Variants in SPATA7 observed in about 807,000 individuals in gnomAD.
SPATA7 encodes the protein spermatogenesis-associated protein 7.
Under a neutral mutation model 51.8 loss-of-function variants are expected in SPATA7, and 43 were observed. That is an observed-to-expected ratio of 0.83 (90% confidence interval 0.65 to 1.07). The LOEUF is 1.07. Among genes scored for constraint, SPATA7 ranks in the 50% least tolerant of loss-of-function variants. The probability of loss-of-function intolerance (pLI) is 0.00; values close to 1 mark genes in which losing one functional copy is unlikely to be tolerated. For missense variants in SPATA7, 683 were observed against 701.3 expected (o/e 0.97, Z 0.30); for synonymous variants, 230 against 252.8 (o/e 0.91, Z 0.86).
chr14:88,396,221 A>T lies in SPATA7; in HGVS notation c.238+18A>T, dbSNP rs745808329. 2.5e-6 allele frequency: 4 copies of T among 1,592,330 alleles called. No individual in the cohort carries two copies. The highest frequency in any genetic ancestry group is 3.4e-6 in the Non-Finnish European group (4 of 1,162,518). Reference sequence around the variant, plus strand: ...CATAAAGTGTAAGTAATTTTTGGACATTATTACCTTTTTAAAAAAAAATTA... The same window carrying T: ...CATAAAGTGTAAGTAATTTTTGGACTTTATTACCTTTTTAAAAAAAAATTA... On this transcript the variant is annotated intron_variant, in intron 4 of 11. Transcript: ENST00000393545.
downstream of SPATA7, among the ~76,000 whole-genome samples, chr14:88,440,368 C>A (rs1306859726): frequency 6.6e-6 from 1 of 152,132 alleles, no homozygotes; most frequent in African/African-American, 2.4e-5. Context: ...CCTATTAGGA[C>A]AATTTGTTGT....
downstream of SPATA7, among the ~76,000 whole-genome samples, chr14:88,457,157 A>G (rs1242094744): frequency 6.6e-6 from 1 of 152,096 alleles, no homozygotes; most frequent in Non-Finnish European, 1.5e-5. Flanking sequence ...GTCAGGTAAC[A>G]TGATGCCTCC....
intron 3 of SPATA7, among the ~76,000 whole-genome samples, chr14:88,395,377 CAAAA>C (rs1163983156): frequency 1.3e-5 from 2 of 151,738 alleles, no homozygotes; most frequent in Non-Finnish European, 2.9e-5. Flanking sequence ...ACTAAAAAAA[CAAAA>C]GAAAAATATT....
intron 4 of SPATA7, among the ~76,000 whole-genome samples, chr14:88,460,506 A>T (rs149668138): frequency 0.038 from 5,781 of 152,262 alleles, 358 homozygotes; most frequent in African/African-American, 0.13. Flanking sequence ...CGAATCGGCT[A>T]CTGAAGCTTG....
chr14:88,455,070 C>T, exon 4 of SPATA7: 3 of 455,920 alleles, frequency 6.6e-6, no homozygotes, highest in Non-Finnish European at 1.3e-5. Context: ...ATTCCAGATG[C>T]TGCTACTACT....
Position 88,431,243 on chromosome 14 carries a change from T to G in SPATA7, c.1082+18T>G, listed in dbSNP as rs749418197. On this transcript the variant is annotated intron_variant, in intron 9 of 11. Coordinates refer to ENST00000393545, the MANE Select transcript of SPATA7 (RefSeq NM_018418.5). ...TACTCTGAGTAAGATCTTTTTTAAGTCTTCGTTTTGCATAGTGGAATCAAG... is the reference window on the plus strand; with the variant it reads ...TACTCTGAGTAAGATCTTTTTTAAGGCTTCGTTTTGCATAGTGGAATCAAG... 6.2e-7 allele frequency: 1 copy of G among 1,609,056 alleles called. No homozygotes were observed. Among genetic ancestry groups the G allele is most frequent in the South Asian group, 1.1e-5 (1 of 91,004 alleles).
At chr14:88,452,893 C>T (rs777159083) in intron 3 of SPATA7, among the ~76,000 whole-genome samples, 12 of 152,194 alleles carry the variant, frequency 7.9e-5, no homozygotes, top group African/African-American at 2.4e-4. Flanking sequence ...ATCACACCTA[C>T]TCGCTTGTTC....
Position 88,385,785 on chromosome 14 carries a change from G to C in SPATA7, c.-34G>C. The C allele has an allele frequency of 6.3e-7, 1 of 1,589,872 alleles. No homozygotes were observed. Among genetic ancestry groups the C allele is most frequent in the Non-Finnish European group, 8.6e-7 (1 of 1,163,878 alleles). On this transcript the variant is annotated 5_prime_UTR_variant, in exon 1 of 12. Coordinates refer to ENST00000393545, the MANE Select transcript of SPATA7 (RefSeq NM_018418.5). Reference sequence around the variant, plus strand: ...CGCGGGAAGGACCGAAGGGGATACAGCGTGTCCCTGCGGCGGCTGCAAGAG... The same window carrying C: ...CGCGGGAAGGACCGAAGGGGATACACCGTGTCCCTGCGGCGGCTGCAAGAG...
chr14:88,445,336 G>A (rs2077204206), intron 3 of SPATA7, among the ~76,000 whole-genome samples: 2 of 151,652 alleles, frequency 1.3e-5, no homozygotes, highest in Admixed American at 1.3e-4. Flanking sequence ...CATTGATTTT[G>A]TATCCAGAGA....
chr14:88,399,316 C>G (rs2075991512), intron 4 of SPATA7, among the ~76,000 whole-genome samples: 1 of 152,034 alleles, frequency 6.6e-6, no homozygotes, highest in African/African-American at 2.4e-5. Flanking sequence ...TTGTATTCTC[C>G]CTTTTCTATT....
intron 4 of SPATA7, chr14:88,467,314 T>C (rs57458535): frequency 8.1e-4 from 123 of 152,350 alleles, no homozygotes; most frequent in African/African-American, 2.8e-3. Context: ...CAATTGTTTT[T>C]CACTTCATTT....
chr14:88,461,741 G>A (rs1265938400), intron 4 of SPATA7, among the ~76,000 whole-genome samples: 9 of 141,218 alleles, frequency 6.4e-5, no homozygotes, highest in African/African-American at 1.9e-4. Flanking sequence ...GACAAGCCCC[G>A]TGAGATGAAC....
rs924739930 is a variant in SPATA7 at position 88,431,920 on chromosome 14, A to C, written c.1082+695A>C. On this transcript the variant is annotated intron_variant, in intron 9 of 11. Transcript: ENST00000393545. The stretch of plus-strand genomic sequence containing the variant: ...TCGTATAATACATACTAAATTTGAG[A>C]AACTGACCTGAATAATTTTCTCGAA... Among the ~76,000 whole-genome samples the C allele has an allele frequency of 2.0e-5, 3 of 152,190 alleles. No individual in the cohort carries two copies. The South Asian group carries it at 6.2e-4, about 32-fold the overall frequency.
intron 4 of SPATA7, among the ~76,000 whole-genome samples, chr14:88,411,154 C>A (rs1018186097): frequency 6.6e-6 from 1 of 152,144 alleles, no homozygotes; most frequent in Admixed American, 6.5e-5. Flanking sequence ...AACTTCCTGG[C>A]GGCTTTGTTT....
intron 2 of SPATA7, among the ~76,000 whole-genome samples, chr14:88,392,144 GTATGTATGTAACATATA>G (rs1458549197): frequency 2.0e-5 from 3 of 151,910 alleles, no homozygotes; most frequent in Non-Finnish European, 2.9e-5. Flanking sequence ...TTGTGGCTAT[GTATGTATGTAACATATA>G]TATGTATGTA....
chr14:88,427,073 A>G (rs1239423272), intron 6 of SPATA7, among the ~76,000 whole-genome samples: 1 of 152,218 alleles, frequency 6.6e-6, no homozygotes, highest in African/African-American at 2.4e-5. Context: ...ACAATGGGCT[A>G]TAGAGGGGAA....
chr14:88,399,671 T>G (rs546602177), intron 4 of SPATA7, among the ~76,000 whole-genome samples: 1 of 152,310 alleles, frequency 6.6e-6, no homozygotes, highest in African/African-American at 2.4e-5. Flanking sequence ...ATCTGGATCA[T>G]TTGAATTAAG....
chr14:88,444,865 C>T (rs2077200991), intron 3 of SPATA7, among the ~76,000 whole-genome samples: 1 of 152,106 alleles, frequency 6.6e-6, no homozygotes, highest in South Asian at 2.1e-4. Flanking sequence ...GGTACCAGTA[C>T]CATGCTGTTT....
chr14:88,469,040 G>T lies in SPATA7; in HGVS notation c.255-807G>T, dbSNP rs1045831807. The T allele has an allele frequency of 6.2e-7, 1 of 1,614,130 alleles. No homozygotes were observed. The highest frequency in any genetic ancestry group is 1.3e-5 in the African/African-American group (1 of 75,046). Reference sequence around the variant, plus strand: ...GCTTTGGGGATCACTTGTGCTATTTGTATGGCGTCGAACAGACTGGATCTC... The same window carrying T: ...GCTTTGGGGATCACTTGTGCTATTTTTATGGCGTCGAACAGACTGGATCTC... On this transcript the variant is annotated intron_variant, in intron 4 of 4. Transcript: ENST00000556406. The surrounding 1 kb of genome is among the most constrained non-coding windows in gnomAD (Gnocchi z 4.3).
Sources: gnomAD v4.1 joint callset for allele counts (sites outside exome capture counted in the v4.1 genomes callset) on GRCh38, gnomAD v4.1.1 for gene constraint, Gnocchi (gnomAD v3.1) non-coding constraint, MANE v1.5 for transcripts, NCBI Gene and HGNC (gene_info 2026-07-23, HGNC 2026-07-21) for gene names.